The following STK17A variants were observed in gnomAD, a reference collection of about 807,000 sequenced individuals.
The protein encoded by STK17A is serine/threonine kinase 17a.
A neutral mutation model predicts 43.7 loss-of-function variants in STK17A; 26 were observed. That is an observed-to-expected ratio of 0.60 (90% CI 0.44 to 0.83). The LOEUF (loss-of-function observed/expected upper bound fraction) is 0.83, where lower values mean the gene tolerates loss of function less well. Among genes scored for constraint, STK17A ranks in the 40% least tolerant of loss-of-function variants. The probability of loss-of-function intolerance (pLI) is 0.00; values close to 1 mark genes in which losing one functional copy is unlikely to be tolerated. For missense variants in STK17A, 476 were observed against 511.6 expected (o/e 0.93, Z 0.67); for synonymous variants, 191 against 182.5 (o/e 1.05, Z -0.38).
intron 1 of STK17A, 118 bp from the exon 2 acceptor site, chr7:43,595,783 G>T (rs771761050): frequency 1.2e-6 from 1 of 831,338 alleles, no homozygotes; most frequent in Non-Finnish European, 1.9e-6. Flanking sequence ...TTCTACTTTT[G>T]TGATTGTATA....
chr7:43,591,921 T>G (rs2082482400), intron 1 of STK17A, among the ~76,000 whole-genome samples: 1 of 151,612 alleles, frequency 6.6e-6, no homozygotes, highest in African/African-American at 2.4e-5. Flanking sequence ...AATAAGTAGT[T>G]TTTTACTTAC....
Position 43,596,704 on chromosome 7 carries a change from T to A in STK17A, c.419+591T>A, listed in dbSNP as rs112378763. Among the ~76,000 whole-genome samples the A allele has an allele frequency of 8.7e-3, 1,320 of 152,062 alleles. 15 individuals are homozygous for A. Among genetic ancestry groups the A allele is most frequent in the African/African-American group, 0.03 (1,236 of 41,450 alleles). ...CAACATGGTGAAACCCAGTCTCTAC[T>A]ACAAATACAAAAAATTAGCCTGGCG... On this transcript the variant is annotated intron_variant, in intron 2 of 6. Coordinates refer to ENST00000319357, the MANE Select transcript of STK17A (RefSeq NM_004760.3).
chr7:43,604,743 C>T (rs2082577308), intron 2 of STK17A, among the ~76,000 whole-genome samples: 1 of 152,084 alleles, frequency 6.6e-6, no homozygotes, highest in South Asian at 2.1e-4. Flanking sequence ...GGAAATTTTT[C>T]AGCCATGGGT....
chr7:43,622,705 G>GTTTTTTTTTTTTT (rs33923943), intron 4 of STK17A: 1 of 146,884 alleles, frequency 6.8e-6, no homozygotes, highest in Non-Finnish European at 1.5e-5. Flanking sequence ...TTTTGTTTTT[G>GTTTTTTTTTTTTT]TTTTTTTTTT....
intron 6 of STK17A, 136 bp downstream of exon 6, chr7:43,624,024 C>A: frequency 1.7e-6 from 1 of 593,530 alleles, no homozygotes. Context: ...AATGGAAACA[C>A]AAAAATGTTG....
rs1414877274 is a variant in STK17A, at chr7:43,624,729, C to A, written c.1132C>A (p.Leu378Ile). 2 of 1,613,868 alleles carry A rather than the reference C, an allele frequency of 1.2e-6. No homozygotes were observed. Among genetic ancestry groups the A allele is most frequent in the African/African-American group, 2.7e-5 (2 of 74,890 alleles). ...EELIVVTSYT[L>I]GQCRQSEKEK... is the part of the protein sequence containing the mutation. ...GTTAATTGTAGTTACTTCATATACT[C>A]TAGGACAATGCAGACAGTCTGAAAA... The change falls in exon 7 of 7, where the codon CTA (leucine) becomes ATA (isoleucine). Residue 378 changes from leucine to isoleucine, a missense_variant. Leu to Ile is a conservative substitution (Grantham distance 5). Transcript: ENST00000319357.
chr7:43,595,236 G>A (rs1028307710), intron 1 of STK17A, among the ~76,000 whole-genome samples: 20 of 149,932 alleles, frequency 1.3e-4, no homozygotes, highest in Admixed American at 1.2e-3. Flanking sequence ...TAGGGATTCT[G>A]GTGACCAATT....
At position 43,623,739 on chromosome 7, in the gene STK17A, TA is replaced by T; in HGVS notation, c.772del (p.Thr258GlnfsTer7). ...TTGGAGTGTTAACATATGTCATGCT[TA>T]CAGGAATATCACCTTTCTTAGGCAA... The part of the protein sequence containing the change: ...SIGVLTYVML[T>X]GISPFLGNDK... On this transcript the variant is annotated frameshift_variant, in exon 6 of 7. Coordinates refer to ENST00000319357, the MANE Select transcript of STK17A (RefSeq NM_004760.3). LOFTEE classifies it high-confidence loss of function. 8.1e-6 allele frequency: 13 copies of T among 1,606,678 alleles called. No individual in the cohort carries two copies. Among genetic ancestry groups the T allele is most frequent in the Non-Finnish European group, 1.1e-5 (13 of 1,177,484 alleles).
In STK17A at chr7:43,624,597, G is replaced by A. The variant is rs2084283988; in HGVS notation, c.1000G>A (p.Glu334Lys). The A allele has an allele frequency of 3.7e-6, 6 of 1,614,080 alleles. No individual in the cohort carries two copies. Among genetic ancestry groups the A allele is most frequent in the Non-Finnish European group, 5.1e-6 (6 of 1,179,990 alleles). The change falls in exon 7 of 7, where the codon GAA becomes AAA. Residue 334 changes from glutamate to lysine, a missense_variant. This residue lies in a region of STK17A where 110 missense variants were observed against 103.7 expected (regional missense o/e 1.06). Coordinates refer to ENST00000319357, the MANE Select transcript of STK17A (RefSeq NM_004760.3). ...TATTCAAGAGCCTTCTTTCAGGATG[G>A]AAAAGGCACTAGAAGAAGCAAATGC... ...SSIQEPSFRMEKALEEANALQ... is the reference protein window; with the variant it reads ...SSIQEPSFRMKKALEEANALQ...
chr7:43,620,646 C>G (rs2083786220), intron 4 of STK17A, among the ~76,000 whole-genome samples: 1 of 151,296 alleles, frequency 6.6e-6, no homozygotes, highest in Non-Finnish European at 1.5e-5. Flanking sequence ...TGCACTCCAG[C>G]CTGGGCGACA....
intron 1 of STK17A, among the ~76,000 whole-genome samples, chr7:43,586,554 G>A (rs1026380794): frequency 1.3e-5 from 2 of 151,364 alleles, no homozygotes; most frequent in African/African-American, 2.4e-5. Context: ...TAATGATTTC[G>A]TTACTGGGGC....
At chr7:43,607,646 T>TGAAA (rs2082616770) in intron 2 of STK17A, among the ~76,000 whole-genome samples, 1 of 36,994 alleles carries the variant, frequency 2.7e-5, no homozygotes, top group Non-Finnish European at 4.9e-5. Context: ...AGACTCCGTC[T>TGAAA]CAAAAAAAAA....
At chr7:43,593,055 G>GTATT (rs2082490531) in intron 1 of STK17A, among the ~76,000 whole-genome samples, 1 of 152,206 alleles carries the variant, frequency 6.6e-6, no homozygotes, top group Non-Finnish European at 1.5e-5. Context: ...CCAATAGGTA[G>GTATT]TATTTAATTC....
intron 4 of STK17A, among the ~76,000 whole-genome samples, chr7:43,620,692 ATTAATAT>A: frequency 6.6e-6 from 1 of 150,482 alleles, no homozygotes; most frequent in East Asian, 2.0e-4. Flanking sequence ...AAAAAAGAAT[ATTAATAT>A]TTAAAATTTC....
intron 2 of STK17A, among the ~76,000 whole-genome samples, chr7:43,606,258 A>C (rs2082587757): frequency 6.6e-6 from 1 of 152,226 alleles, no homozygotes; most frequent in Non-Finnish European, 1.5e-5. Context: ...ATAATGAGAA[A>C]GTAAAGATCC....
In STK17A at chr7:43,583,284, C is replaced by G. The variant is rs767442965; in HGVS notation, c.41C>G (p.Pro14Arg). ...LEKPGSGGSS[P>R]GATSGSGRAG... ...AAGCCAGGCAGCGGCGGCTCCTCCC[C>G]AGGCGCCACCTCAGGCTCGGGCCGG... Residue 14 changes from proline (P) to arginine (R), a missense_variant, in exon 1 of 7, where the codon CCA becomes CGA. Physicochemically the swap from Pro to Arg is moderately radical, Grantham distance 103. This residue lies in a region of STK17A where 320 missense variants were observed against 326.3 expected (regional missense o/e 0.98). Coordinates refer to ENST00000319357, the MANE Select transcript of STK17A (RefSeq NM_004760.3). 9.1e-6 allele frequency: 14 copies of G among 1,542,832 alleles called. No homozygotes were observed. Among genetic ancestry groups the G allele is most frequent in the Non-Finnish European group, 1.2e-5 (14 of 1,147,744 alleles).
At chr7:43,610,936 G>A (rs2082816518) in intron 3 of STK17A, among the ~76,000 whole-genome samples, 4 of 152,092 alleles carry the variant, frequency 2.6e-5, no homozygotes, top group African/African-American at 4.8e-5. Flanking sequence ...AGCCAACATG[G>A]TGAAACCCTA....
At chr7:43,611,323 A>G (rs1009698668) in intron 3 of STK17A, among the ~76,000 whole-genome samples, 1 of 152,342 alleles carries the variant, frequency 6.6e-6, no homozygotes, top group South Asian at 2.1e-4. Flanking sequence ...AAAGATGCCA[A>G]TGTAAATTCA....
rs117025997 is a variant in STK17A, at chr7:43,597,097, C to T, written c.419+984C>T. Among the ~76,000 whole-genome samples the T allele has an allele frequency of 3.7e-3, 565 of 152,230 alleles. 2 individuals are homozygous for T. Among genetic ancestry groups the T allele is most frequent in the Admixed American group, 6.9e-3 (106 of 15,294 alleles). On this transcript the variant is annotated intron_variant, in intron 2 of 6. Coordinates refer to ENST00000319357, the MANE Select transcript of STK17A (RefSeq NM_004760.3). ...AACTCGGAAAAATACCTCTAATATT[C>T]ATCTAGCCAAAGCGGTTAAAGTTGC...
Sources: allele counts gnomAD v4.1 joint callset (sites outside exome capture counted in the v4.1 genomes callset), GRCh38; gene constraint gnomAD v4.1.1; regional missense constraint gnomAD v4.1.1; transcripts MANE v1.5; gene names NCBI Gene and HGNC (gene_info 2026-07-23, HGNC 2026-07-21).